ANO3: variants seen among roughly 807,000 people sequenced by gnomAD.
ANO3 encodes anoctamin 3.
Under a neutral mutation model 144.8 loss-of-function variants are expected in ANO3, and 99 were observed. The ratio of observed to expected loss-of-function variants is 0.68; its 90% CI spans 0.58 to 0.81. The LOEUF is 0.81. Among genes scored for constraint, ANO3 ranks in the 30% least tolerant of loss-of-function variants. The pLI is 0.00. For synonymous variants in ANO3, 414 were observed against 392.6 expected, an observed-to-expected ratio of 1.05 and a Z score of -0.64; for missense variants, 905 against 1,202.2, an observed-to-expected ratio of 0.75 and a Z score of 3.66.
rs376211456 is a variant in ANO3, at chr11:26,319,144, C to CATTATTATTATTATT, written c.-3+9431_-3+9445dup. ...GGTGTGTGCCACTACTTCCAGATAA[C>CATTATTATTATTATT]ATTATTATTATTATTATTATCGTTA... On this transcript the variant is annotated intron_variant, in intron 1 of 26. Transcript: ENST00000525139. 1.7e-4 allele frequency among the ~76,000 whole-genome samples: 25 copies of CATTATTATTATTATT among 150,932 alleles called. No homozygotes were observed. In the South Asian group the frequency reaches 2.1e-3, roughly 13 times the overall value.
At chr11:26,586,409 A>G (rs981234185) in intron 14 of ANO3, among the ~76,000 whole-genome samples, 4 of 142,340 alleles carry the variant, frequency 2.8e-5, no homozygotes, top group Admixed American at 7.1e-5. Context: ...AAGACAAATA[A>G]TTATTGTTGA....
intron 1 of ANO3, among the ~76,000 whole-genome samples, chr11:26,375,710 T>C (rs1856387858): frequency 6.6e-6 from 1 of 152,162 alleles, no homozygotes; most frequent in Admixed American, 6.6e-5. Context: ...AGAGCCAAGA[T>C]ATATATGCAT....
chr11:26,565,119 A>T, intron 14 of ANO3: 1 of 1,480,494 alleles, frequency 6.8e-7, no homozygotes. Context: ...ACTTATTTGG[A>T]ATTTCAGTTT....
chr11:26,423,039 C>A (rs1233356666), intron 1 of ANO3, among the ~76,000 whole-genome samples: 1 of 151,930 alleles, frequency 6.6e-6, no homozygotes, highest in East Asian at 1.9e-4. Context: ...TTTGTTTCAT[C>A]TTTAATGTTA....
At chr11:26,367,110 G>T (rs1294095520) in intron 1 of ANO3, among the ~76,000 whole-genome samples, 1 of 152,142 alleles carries the variant, frequency 6.6e-6, no homozygotes, top group African/African-American at 2.4e-5. Context: ...ATTAATTCAA[G>T]ATGGATTAAA....
chr11:26,404,663 A>G (rs1455969274), intron 1 of ANO3, among the ~76,000 whole-genome samples: 2 of 151,758 alleles, frequency 1.3e-5, no homozygotes, highest in Non-Finnish European at 2.9e-5. Context: ...TCCATAAGAT[A>G]ATCACAGTAT....
chr11:26,372,666 A>ATG (rs1856294552), intron 1 of ANO3, among the ~76,000 whole-genome samples: 1 of 152,204 alleles, frequency 6.6e-6, no homozygotes, highest in Non-Finnish European at 1.5e-5. Context: ...AGTACACCAA[A>ATG]CATACAAAAA....
intron 1 of ANO3, among the ~76,000 whole-genome samples, chr11:26,299,480 C>T (rs541007065): frequency 6.6e-6 from 1 of 151,438 alleles, no homozygotes; most frequent in Non-Finnish European, 1.5e-5. Context: ...ACTAGTGGAG[C>T]AAAAGGCAAC....
At chr11:26,496,654 A>G (rs1860953621) in intron 4 of ANO3, among the ~76,000 whole-genome samples, 1 of 152,124 alleles carries the variant, frequency 6.6e-6, no homozygotes, top group Non-Finnish European at 1.5e-5. Context: ...CATCGTACCT[A>G]TTAGGTAATT....
chr11:26,265,532 A>T (rs1307349588), intron 1 of ANO3, among the ~76,000 whole-genome samples: 1 of 152,208 alleles, frequency 6.6e-6, no homozygotes, highest in African/African-American at 2.4e-5. Flanking sequence ...TAAAAACAAT[A>T]AGACACAGTC....
Position 26,516,920 on chromosome 11 carries a change from C to A in ANO3, c.685C>A (p.Pro229Thr), listed in dbSNP as rs1453093329. ...KYAERLNIRM[P>T]FRKKCYYTDG... Reference sequence around the variant, plus strand: ...TGCAGAGAGGCTGAATATCAGGATGCCCTTCAGGTACTTTCAAATTTTACT... The same window carrying A: ...TGCAGAGAGGCTGAATATCAGGATGACCTTCAGGTACTTTCAAATTTTACT... The change falls in exon 6 of 27, where the codon CCC becomes ACC. Residue 229 changes from proline (P) to threonine (T), a missense_variant. Pro to Thr is a conservative substitution (Grantham distance 38). Around this residue, in one of 4 missense-constraint regions of ANO3, gnomAD observed 63 missense variants for 107.3 expected, o/e 0.59. Transcript: ENST00000256737. 3 of 1,598,066 alleles carry A rather than the reference C, an allele frequency of 1.9e-6. No individual in the cohort carries two copies. The highest frequency in any genetic ancestry group is 2.6e-6 in the Non-Finnish European group (3 of 1,167,812).
intron 1 of ANO3, among the ~76,000 whole-genome samples, chr11:26,217,988 G>A (rs181282075): frequency 2.0e-5 from 3 of 152,184 alleles, no homozygotes; most frequent in East Asian, 3.9e-4. Flanking sequence ...GTGGGCCAGA[G>A]AATGTGGTCA....
Position 26,222,007 on chromosome 11 carries a change from T to A in ANO3, c.154+32677T>A, listed in dbSNP as rs1168661946. On this transcript the variant is annotated intron_variant, in intron 1 of 27. Coordinates refer to the ANO3 transcript ENST00000672621. Reference sequence around the variant, plus strand: ...CCCTAAATTTTATGTCCTTCTCACATTGTAAAATATAATCATCCCTTCCCA... The same window carrying A: ...CCCTAAATTTTATGTCCTTCTCACAATGTAAAATATAATCATCCCTTCCCA... 2.0e-5 allele frequency among the ~76,000 whole-genome samples: 3 copies of A among 152,260 alleles called. No individual in the cohort carries two copies. The East Asian group carries it at 5.8e-4, about 29-fold the overall frequency.
intron 1 of ANO3, among the ~76,000 whole-genome samples, chr11:26,190,833 A>T (rs1851460628): frequency 6.6e-6 from 1 of 152,214 alleles, no homozygotes; most frequent in Non-Finnish European, 1.5e-5. Flanking sequence ...GCTATGCCTC[A>T]AACTCAACAC....
chr11:26,565,286 A>T, intron 14 of ANO3: 1 of 1,606,504 alleles, frequency 6.2e-7, no homozygotes, highest in Non-Finnish European at 8.5e-7. Flanking sequence ...TGTTTGTGGT[A>T]AGCCATCCAC....
rs919640815 is a variant in ANO3, at chr11:26,393,505, A to G, written c.47-48413A>G. 3.9e-5 allele frequency among the ~76,000 whole-genome samples: 6 copies of G among 152,280 alleles called. No homozygotes were observed. In the East Asian group the frequency reaches 1.2e-3, roughly 29 times the overall value. Reference sequence around the variant, plus strand: ...GTCAGTATTAAAGGTTGCTTCCCATATAATACAATGAAGAGCTCTATGCTG... The same window carrying G: ...GTCAGTATTAAAGGTTGCTTCCCATGTAATACAATGAAGAGCTCTATGCTG... On this transcript the variant is annotated intron_variant, in intron 1 of 26. Transcript: ENST00000256737.
rs56225203 is a variant in ANO3, at chr11:26,332,444, T to TAAAA, written c.46+136_46+139dup. The TAAAA allele has an allele frequency of 0.15, 91,586 of 596,948 alleles. 4,440 individuals carry two copies. The highest frequency in any genetic ancestry group is 0.16 in the Non-Finnish European group (58,516 of 362,268). 37.0% of individuals were successfully genotyped at this position (596,948 alleles called of 1,614,324 possible). A position where few individuals can be genotyped will look rare whatever the true frequency, so the allele number is the denominator to read the frequency against. On this transcript the variant is annotated intron_variant, in intron 1 of 26. Coordinates refer to ENST00000256737, the MANE Select transcript of ANO3 (RefSeq NM_031418.4). Reference sequence around the variant, plus strand: ...ACAGAGGTGGGGAACTCTGTGAAGTTAAAAAAAAAAAAAAAATTAAATTCC... The same window carrying TAAAA: ...ACAGAGGTGGGGAACTCTGTGAAGTTAAAAAAAAAAAAAAAAAAAATTAAATTCC...
chr11:26,464,105 C>T (rs1297181290), intron 4 of ANO3, among the ~76,000 whole-genome samples: 1 of 151,712 alleles, frequency 6.6e-6, no homozygotes, highest in African/African-American at 2.4e-5. Context: ...TTATTAGTCA[C>T]CCACCAGTGT....
chr11:26,209,968 G>A (rs1288283755), intron 1 of ANO3, among the ~76,000 whole-genome samples: 1 of 152,068 alleles, frequency 6.6e-6, no homozygotes, highest in Non-Finnish European at 1.5e-5. Flanking sequence ...TTCTTTTGCT[G>A]TGCAGAAGCT....
Sources: allele counts gnomAD v4.1 joint callset (sites outside exome capture counted in the v4.1 genomes callset), GRCh38; gene constraint gnomAD v4.1.1; regional missense constraint gnomAD v4.1.1; transcripts MANE v1.5; gene names NCBI Gene and HGNC (gene_info 2026-07-23, HGNC 2026-07-21).